PCDHA10: variants seen among roughly 807,000 people sequenced by gnomAD.
PCDHA10 encodes protocadherin alpha-10.
In PCDHA10, 45 loss-of-function variants were observed where a neutral mutation model predicts 61.2. That is an observed-to-expected ratio of 0.74 (90% CI 0.58 to 0.94). The LOEUF is 0.94. PCDHA10 is among the 40% of genes least tolerant of loss of function. PCDHA10 has a pLI of 0.00. For missense variants in PCDHA10, 1,278 were observed against 1,236.2 expected (o/e 1.03, Z -0.51); for synonymous variants, 602 against 548.8 (o/e 1.10, Z -1.35).
At chr5:141,007,507 G>A (rs2098333216) in intron 3 of PCDHA10, among the ~76,000 whole-genome samples, 1 of 151,980 alleles carries the variant, frequency 6.6e-6, no homozygotes, top group Admixed American at 6.6e-5. Flanking sequence ...GGCAGAGACT[G>A]CAGTGAGCTG....
chr5:140,881,505 CACAT>C (rs2058738073), intron 1 of PCDHA10: 1 of 242,822 alleles, frequency 4.1e-6, no homozygotes, highest in African/African-American at 2.3e-5. Flanking sequence ...TACACACACT[CACAT>C]ACAAAATCCC....
chr5:140,881,282 G>A, intron 1 of PCDHA10: 1 of 795,028 alleles, frequency 1.3e-6, no homozygotes, highest in Non-Finnish European at 1.5e-6. Context: ...GTAAGATGGA[G>A]AGAGAAAATG....
chr5:140,887,004 C>T (rs1341039143), intron 1 of PCDHA10, among the ~76,000 whole-genome samples: 1 of 152,066 alleles, frequency 6.6e-6, no homozygotes, highest in African/African-American at 2.4e-5. Flanking sequence ...GTTGGTATCA[C>T]TTTCCTACTG....
At chr5:140,970,327 A>AGCATG (rs2096397524) in intron 1 of PCDHA10, among the ~76,000 whole-genome samples, 1 of 152,204 alleles carries the variant, frequency 6.6e-6, no homozygotes, top group African/African-American at 2.4e-5. Context: ...GTACTTCCAA[A>AGCATG]GCATGCATTC....
chr5:140,884,604 G>A lies in PCDHA10; in HGVS notation c.2388+26168G>A. The A allele has an allele frequency of 1.2e-6, 2 of 1,614,140 alleles. 1 individual carries two copies. Among genetic ancestry groups the A allele is most frequent in the Middle Eastern group, 3.3e-4 (2 of 6,062 alleles). On this transcript the variant is annotated intron_variant, in intron 1 of 3. Coordinates refer to ENST00000307360, the MANE Select transcript of PCDHA10 (RefSeq NM_018901.4). Reference sequence around the variant, plus strand: ...GCCTTCAGTCCCAGCCTTCCTCCTTGTCTGGGTTCTGCAGAGGGAACAGGC... The same window carrying A: ...GCCTTCAGTCCCAGCCTTCCTCCTTATCTGGGTTCTGCAGAGGGAACAGGC...
At chr5:140,921,080 A>G (rs1329038497) in intron 1 of PCDHA10, among the ~76,000 whole-genome samples, 1 of 152,008 alleles carries the variant, frequency 6.6e-6, no homozygotes. Context: ...CTTGGGCTCA[A>G]GAGAATCCTC....
chr5:140,895,023 T>C (rs781895966), intron 1 of PCDHA10, among the ~76,000 whole-genome samples: 2 of 152,204 alleles, frequency 1.3e-5, no homozygotes, highest in Non-Finnish European at 2.9e-5. Flanking sequence ...TTTCCTTTGT[T>C]TAATTGTCCC....
chr5:140,928,501 G>A, intron 1 of PCDHA10: 1 of 1,614,184 alleles, frequency 6.2e-7, no homozygotes. Flanking sequence ...TCCCAGAAGT[G>A]CAACAGTGAC....
At chr5:140,971,987 G>A (rs1246433962) in intron 1 of PCDHA10, among the ~76,000 whole-genome samples, 1 of 152,086 alleles carries the variant, frequency 6.6e-6, no homozygotes, top group Non-Finnish European at 1.5e-5. Context: ...GTAGACAGAA[G>A]TTCCAATGTT....
rs1423136904 is a variant in PCDHA10 at position 140,966,615 on chromosome 5, G to A, written c.2389-12334G>A. 1.0e-5 allele frequency: 8 copies of A among 773,600 alleles called. No individual in the cohort carries two copies. In the Admixed American group the frequency reaches 1.2e-4, roughly 12 times the overall value. The allele number at this position is 773,600 out of a possible 1,614,324, so 47.9% of individuals were successfully genotyped here. A position where few individuals can be genotyped will look rare whatever the true frequency, so the allele number is the denominator to read the frequency against. On this transcript the variant is annotated intron_variant, in intron 1 of 3. Transcript: ENST00000307360. The stretch of plus-strand genomic sequence containing the variant: ...GCCAGGAGCCCTTGGGAGGGCCTAC[G>A]GAGGGAGCGGCCCCAGGCGCTTTCT...
intron 3 of PCDHA10, among the ~76,000 whole-genome samples, chr5:140,990,610 C>T (rs781969043): frequency 4.6e-5 from 7 of 152,080 alleles, no homozygotes; most frequent in African/African-American, 9.7e-5. Flanking sequence ...AGATGAATAC[C>T]GTAAAGGTCT....
intron 1 of PCDHA10, chr5:140,859,028 T>C (rs1281709317): frequency 6.6e-6 from 1 of 150,998 alleles, no homozygotes; most frequent in Non-Finnish European, 1.5e-5. Flanking sequence ...AGTTAAATGC[T>C]TTGAACTTTA....
In PCDHA10 at chr5:140,857,589, G is replaced by T. The variant is rs1554150286; in HGVS notation, c.1541G>T (p.Gly514Val). The T allele has an allele frequency of 6.3e-7, 1 of 1,596,564 alleles. No individual in the cohort carries two copies. Among genetic ancestry groups the T allele is most frequent in the Non-Finnish European group, 8.6e-7 (1 of 1,167,702 alleles). The change falls in exon 1 of 4, where the codon GGC becomes GTC. Residue 514 changes from glycine to valine, a missense_variant. Coordinates refer to ENST00000307360, the MANE Select transcript of PCDHA10 (RefSeq NM_018901.4). ...SSYVSVHAESGKVYALQPLDH... is the reference protein window; with the variant it reads ...SSYVSVHAESVKVYALQPLDH... ...TACGTGTCGGTGCACGCGGAGAGCGGCAAGGTGTACGCGCTGCAGCCGCTG... is the reference window on the plus strand; with the variant it reads ...TACGTGTCGGTGCACGCGGAGAGCGTCAAGGTGTACGCGCTGCAGCCGCTG...
intron 1 of PCDHA10, among the ~76,000 whole-genome samples, chr5:140,879,850 T>C (rs935829286): frequency 3.3e-5 from 5 of 152,230 alleles, no homozygotes; most frequent in Non-Finnish European, 5.9e-5. Flanking sequence ...CACTCCCATC[T>C]CAGCCTTCTC....
At chr5:140,883,525 A>G in intron 1 of PCDHA10, 1 of 1,614,220 alleles carries the variant, frequency 6.2e-7, no homozygotes, top group Middle Eastern at 1.7e-4. Context: ...AGAGCGTATC[A>G]GCCTATGAAC....
chr5:140,925,084 AGGAAGGAAGGAAGGAAGGAAGGAG>A (rs1554202501), intron 1 of PCDHA10, among the ~76,000 whole-genome samples: 1 of 144,612 alleles, frequency 6.9e-6, no homozygotes, highest in Admixed American at 6.7e-5. Flanking sequence ...TCATCTGGAA[AGGAAGGAAGGAAGGAAGGAAGGAG>A]GGAAGGAAGG....
intron 1 of PCDHA10, among the ~76,000 whole-genome samples, chr5:140,890,624 T>C (rs1487627842): frequency 6.6e-6 from 1 of 152,202 alleles, no homozygotes; most frequent in Non-Finnish European, 1.5e-5. Context: ...CCTAGAAAAT[T>C]AAGCATGTAT....
At chr5:140,870,999 A>G (rs782562142) in intron 1 of PCDHA10, 2 of 1,613,456 alleles carry the variant, frequency 1.2e-6, no homozygotes, top group Admixed American at 3.3e-5. Flanking sequence ...AGATAAGCAC[A>G]ACGCGTGCCC....
chr5:141,010,202 G>A lies in PCDHA10; in HGVS notation c.*265G>A, dbSNP rs1354578914. The A allele has an allele frequency of 2.5e-5, 39 of 1,551,826 alleles. No homozygotes were observed. The highest frequency in any genetic ancestry group is 3.1e-5 in the Non-Finnish European group (36 of 1,147,058). On this transcript the variant is annotated 3_prime_UTR_variant, in exon 4 of 4. Transcript: ENST00000307360. ...CAGACCCAAGTTTCCTTTCTCCTCCGCCGCAAAGGAGAGGCTTCCCAGCCC... is the reference window on the plus strand; with the variant it reads ...CAGACCCAAGTTTCCTTTCTCCTCCACCGCAAAGGAGAGGCTTCCCAGCCC...
Sources: allele counts gnomAD v4.1 joint callset (sites outside exome capture counted in the v4.1 genomes callset), GRCh38; gene constraint gnomAD v4.1.1; transcripts MANE v1.5; gene names NCBI Gene and HGNC (gene_info 2026-07-23, HGNC 2026-07-21).